CENPE: variants seen among roughly 807,000 people sequenced by gnomAD.
CENPE encodes centromere protein E, also known as centromere-associated protein E.
CENPE carries 145 observed loss-of-function variants against 336.1 expected under a neutral mutation model. The observed-to-expected ratio is 0.43, with a 90% CI of 0.38 to 0.50. CENPE has a LOEUF of 0.50. Ranked by LOEUF, CENPE falls within the 20% of genes least tolerant of loss-of-function variation. CENPE has a pLI of 0.00. For missense variants in CENPE, 2,719 were observed against 3,023.3 expected (o/e 0.90, Z 2.36); for synonymous variants, 1,013 against 984.8 (o/e 1.03, Z -0.54).
rs1267174082 is a variant in CENPE at position 103,109,010 on chromosome 4, A to C, written c.7804T>G (p.Cys2602Gly). Residue 2602 changes from cysteine to glycine, a missense_variant, in exon 48 of 49, where the codon TGT becomes GGT. Cys to Gly is a radical substitution (Grantham distance 159). This residue lies in a region of CENPE where 2,437 missense variants were observed against 2,513.3 expected (regional missense o/e 0.97). Transcript: ENST00000265148. ...LKREAHKQVT[C>G]ENSPKSPKVT... The stretch of plus-strand genomic sequence containing the variant: ...TTAGGAGACTTTGGAGAATTCTCAC[A>C]AGTTACTTGTTTGTGAGCCTCTCTT... 6.2e-7 allele frequency: 1 copy of C among 1,613,694 alleles called. No individual in the cohort carries two copies. The highest frequency in any genetic ancestry group is 1.3e-5 in the African/African-American group (1 of 74,894).
In CENPE at chr4:103,173,598, T is replaced by C. The variant is rs184111092; in HGVS notation, c.1647+1138A>G. Among the ~76,000 whole-genome samples the C allele has an allele frequency of 1.9e-3, 282 of 152,056 alleles. 2 individuals are homozygous for C. The highest frequency in any genetic ancestry group is 6.2e-3 in the African/African-American group (258 of 41,544). On this transcript the variant is annotated intron_variant, in intron 16 of 48. Transcript: ENST00000265148. Reference sequence around the variant, plus strand: ...TATTTGCAGAAATATTTGCAAAATATTTGCAATATTTGCAGAAATATTTGC... The same window carrying C: ...TATTTGCAGAAATATTTGCAAAATACTTGCAATATTTGCAGAAATATTTGC...
intron 16 of CENPE, among the ~76,000 whole-genome samples, chr4:103,164,498 A>G (rs1399714919): frequency 6.6e-6 from 1 of 152,098 alleles, no homozygotes; most frequent in Admixed American, 6.5e-5. Context: ...GGTCAGTGCT[A>G]TCCAAGAGAA....
intron 8 of CENPE, among the ~76,000 whole-genome samples, chr4:103,188,268 T>C (rs1578687970): frequency 1.3e-5 from 2 of 152,226 alleles, no homozygotes; most frequent in East Asian, 1.9e-4. Context: ...TATCCAGGAA[T>C]TGAACTCAGC....
chr4:103,119,567 G>T (rs546721673), intron 44 of CENPE, among the ~76,000 whole-genome samples: 40 of 152,306 alleles, frequency 2.6e-4, no homozygotes, highest in Middle Eastern at 6.8e-3. Flanking sequence ...TTTAACTGGA[G>T]AGAAAAGACA....
chr4:103,143,120 G>A (rs749556467), intron 34 of CENPE, 128 bp downstream of exon 34: 1 of 540,740 alleles, frequency 1.8e-6, no homozygotes, highest in Non-Finnish European at 3.2e-6. Flanking sequence ...ATCAATGATA[G>A]TTTCTAAATT....
At chr4:103,196,361 G>A in intron 2 of CENPE, 109 bp from the exon 3 acceptor site, 3 of 851,452 alleles carry the variant, frequency 3.5e-6, no homozygotes, top group Non-Finnish European at 5.7e-6. Context: ...TCAGAATGTA[G>A]GATGATCAAC....
chr4:103,133,708 T>A lies in CENPE; in HGVS notation c.6707A>T (p.Asp2236Val), dbSNP rs187544794. 7.5e-5 allele frequency: 120 copies of A among 1,593,864 alleles called. No homozygotes were observed. The highest frequency in any genetic ancestry group is 1.7e-4 in the Admixed American group (10 of 58,546). ...AATAAATTATACCTCAATATGTAGA[T>A]CCATATTCTGGTTCAATTTGAGATC... is the stretch of plus-strand genomic sequence containing the variant. ...LRDLKLNQNMDLHIEEILKDF... is the reference protein window; with the variant it reads ...LRDLKLNQNMVLHIEEILKDF... Residue 2236 changes from aspartate (D) to valine (V), a missense_variant, in exon 41 of 49, where the codon GAT becomes GTT. Transcript: ENST00000265148.
rs748976833 is a variant in CENPE, at chr4:103,174,908, T to G, written c.1480-5A>C. 2.8e-6 allele frequency: 4 copies of G among 1,436,108 alleles called. No individual in the cohort carries two copies. Among genetic ancestry groups the G allele is most frequent in the Non-Finnish European group, 3.7e-6 (4 of 1,092,672 alleles). The allele number at this position is 1,436,108 out of a possible 1,614,324, so 89.0% of individuals were successfully genotyped here. On this transcript the variant is annotated splice_region_variant and splice_polypyrimidine_tract_variant and intron_variant, in intron 15 of 48. Transcript: ENST00000265148. ...CAACTCACTTTCTATATTCTCCTATTATAAACAAGAACAGATTTTCCAATC... is the reference window on the plus strand; with the variant it reads ...CAACTCACTTTCTATATTCTCCTATGATAAACAAGAACAGATTTTCCAATC...
chr4:103,140,349 A>G lies in CENPE; in HGVS notation c.5820T>C (p.Val1940=). 2 of 1,607,210 alleles carry G rather than the reference A, an allele frequency of 1.2e-6. No homozygotes were observed. The highest frequency in any genetic ancestry group is 1.7e-6 in the Non-Finnish European group (2 of 1,176,260). The change falls in exon 37 of 49, where the codon GTT becomes GTC. Residue 1940 remains valine, a synonymous_variant. Coordinates refer to ENST00000265148, the MANE Select transcript of CENPE (RefSeq NM_001813.3). The part of the protein sequence containing the change: ...RMLSKEHKET[V]DKLREKISEK... Reference sequence around the variant, plus strand: ...CTGAAATTTTTTCTCTAAGTTTATCAACAGTTTCTTTGTGTTCTTTTGATA... The same window carrying G: ...CTGAAATTTTTTCTCTAAGTTTATCGACAGTTTCTTTGTGTTCTTTTGATA...
Position 103,106,003 on chromosome 4 carries a change from A to G in CENPE, c.*219T>C, listed in dbSNP as rs1748866439. ...AAATAAATAAAACAATTCAACTTTT[A>G]AAAGTATTACCATATGCAAGAAGAA... is the stretch of plus-strand genomic sequence containing the variant. On this transcript the variant is annotated 3_prime_UTR_variant, in exon 49 of 49. Transcript: ENST00000265148. The G allele has an allele frequency of 2.9e-6, 1 of 342,732 alleles. No homozygotes were observed. Among genetic ancestry groups the G allele is most frequent in the Non-Finnish European group, 5.2e-6 (1 of 191,002 alleles). The allele number at this position is 342,732 out of a possible 1,614,324, so 21.2% of individuals were successfully genotyped here.
rs751405701 is a variant in CENPE, at chr4:103,180,391, T to C, written c.1162A>G (p.Lys388Glu). The change falls in exon 13 of 49, where the codon AAA becomes GAA. Residue 388 changes from lysine (K) to glutamate (E), a missense_variant. By Grantham distance (56) the Lys-to-Glu change is moderately conservative. This residue lies in a region of CENPE where 117 missense variants were observed against 215.8 expected (regional missense o/e 0.54). Coordinates refer to ENST00000265148, the MANE Select transcript of CENPE (RefSeq NM_001813.3). ...TTTTCAATTTTCTCATTCTGTACTTTCTGAAGCAAATCTTTTTCTTCCAAA... is the reference window on the plus strand; with the variant it reads ...TTTTCAATTTTCTCATTCTGTACTTCCTGAAGCAAATCTTTTTCTTCCAAA... ...QLLEEKDLLQ[K>E]VQNEKIENLT... The C allele has an allele frequency of 1.2e-6, 2 of 1,613,358 alleles. No individual in the cohort carries two copies. Among genetic ancestry groups the C allele is most frequent in the South Asian group, 1.1e-5 (1 of 91,000 alleles).
intron 32 of CENPE, among the ~76,000 whole-genome samples, 194 bp from the exon 33 acceptor site, chr4:103,144,812 C>A (rs1752873095): frequency 6.6e-6 from 1 of 152,284 alleles, no homozygotes; most frequent in Admixed American, 6.5e-5. Flanking sequence ...CTGTAATTCA[C>A]CATCAGAATT....
chr4:103,149,235 T>G lies in CENPE; in HGVS notation c.3570A>C (p.Glu1190Asp), dbSNP rs1036102613. Residue 1190 changes from glutamate (E) to aspartate (D), a missense_variant, in exon 27 of 49, where the codon GAA becomes GAC. Coordinates refer to ENST00000265148, the MANE Select transcript of CENPE (RefSeq NM_001813.3). ...TTATAGATTTCACTTCCTCATAATTTTCATTAAGTTTCTGAGCCAACTCAA... is the reference window on the plus strand; with the variant it reads ...TTATAGATTTCACTTCCTCATAATTGTCATTAAGTTTCTGAGCCAACTCAA... ...ERLELAQKLN[E>D]NYEEVKSITK... 6 of 1,612,944 alleles carry G rather than the reference T, an allele frequency of 3.7e-6. No homozygotes were observed. Among genetic ancestry groups the G allele is most frequent in the Non-Finnish European group, 5.1e-6 (6 of 1,179,842 alleles).
In CENPE at chr4:103,159,209, G is replaced by A. The variant is rs1194769233; in HGVS notation, c.2402C>T (p.Thr801Ile). 1 of 1,612,368 alleles carries A rather than the reference G, an allele frequency of 6.2e-7. No individual in the cohort carries two copies. The highest frequency in any genetic ancestry group is 1.1e-5 in the South Asian group (1 of 90,954). The change falls in exon 22 of 49, where the codon ACA becomes ATA. Residue 801 changes from threonine to isoleucine, a missense_variant. Coordinates refer to ENST00000265148, the MANE Select transcript of CENPE (RefSeq NM_001813.3). ...CTGTGTAGTTGCTAGGTCATCTTTT[G>A]TTTTCCCAATTTCTTCAAGTAAACC... ...VQGLLEEIGKTKDDLATTQSN... is the reference protein window; with the variant it reads ...VQGLLEEIGKIKDDLATTQSN...
intron 8 of CENPE, among the ~76,000 whole-genome samples, chr4:103,192,766 T>A (rs1056152501): frequency 1.3e-5 from 2 of 150,850 alleles, no homozygotes; most frequent in African/African-American, 4.8e-5. Flanking sequence ...GAGATAATGA[T>A]GGGACACAAT....
intron 38 of CENPE, among the ~76,000 whole-genome samples, 176 bp from the exon 39 acceptor site, chr4:103,138,625 T>A (rs1183871151): frequency 6.6e-6 from 1 of 152,182 alleles, no homozygotes; most frequent in Non-Finnish European, 1.5e-5. Flanking sequence ...CAGTAAGTTT[T>A]ATAGGGAGTG....
chr4:103,160,511 C>A, intron 21 of CENPE, 114 bp downstream of exon 21: 1 of 783,608 alleles, frequency 1.3e-6, no homozygotes, highest in Non-Finnish European at 2.0e-6. Context: ...AAAACGTTTA[C>A]AGTATCTCTC....
chr4:103,112,704 ATATACT>A (rs995297141), intron 46 of CENPE, among the ~76,000 whole-genome samples: 4 of 131,116 alleles, frequency 3.1e-5, no homozygotes, highest in East Asian at 2.2e-4. Flanking sequence ...AAGTGTATAT[ATATACT>A]TATAAGTATA....
intron 16 of CENPE, among the ~76,000 whole-genome samples, chr4:103,174,003 G>A (rs1392242128): frequency 6.6e-6 from 1 of 151,806 alleles, no homozygotes; most frequent in Non-Finnish European, 1.5e-5. Flanking sequence ...TACTGGGCAT[G>A]TACCCAAAGG....
Sources: gnomAD v4.1 joint callset for allele counts (sites outside exome capture counted in the v4.1 genomes callset) on GRCh38, gnomAD v4.1.1 for gene constraint, gnomAD v4.1.1 regional missense constraint, MANE v1.5 for transcripts, NCBI Gene and HGNC (gene_info 2026-07-23, HGNC 2026-07-21) for gene names.